TCP1: variants seen among roughly 807,000 people sequenced by gnomAD.
TCP1 encodes T-complex protein 1 subunit alpha.
A neutral mutation model predicts 54.7 loss-of-function variants in TCP1; 6 were observed. The observed-to-expected ratio is 0.11, with a 90% confidence interval of 0.06 to 0.22. The LOEUF is 0.22. Among genes scored for constraint, TCP1 ranks in the 10% least tolerant of loss-of-function variants. TCP1 has a pLI of 1.00. For missense variants in TCP1, 511 were observed against 678.2 expected, an observed-to-expected ratio of 0.75 and a Z score of 2.74; for synonymous variants, 225 against 229.7, an observed-to-expected ratio of 0.98 and a Z score of 0.19.
chr6:159,789,180 G>A (rs370815958), intron 1 of TCP1: 13 of 526,736 alleles, frequency 2.5e-5, no homozygotes, highest in Admixed American at 3.3e-5. Flanking sequence ...ACGCGTTGCC[G>A]GTCTCAAAAC....
At position 159,781,068 on chromosome 6, in the gene TCP1, T is replaced by G; in HGVS notation, c.840A>C (p.Ala280=). The change falls in exon 8 of 12, where the codon GCA becomes GCC. Residue 280 remains alanine, a synonymous_variant. Coordinates refer to ENST00000321394, the MANE Select transcript of TCP1 (RefSeq NM_030752.3). ...ITKERIQKIL[A]TGANVILTTG... ...TGGTTAGAATAACATTGGCACCAGT[T>G]GCCAGGATCTTCTGAATTCTCTCCT... The G allele has an allele frequency of 6.2e-7, 1 of 1,611,108 alleles. No homozygotes were observed. The highest frequency in any genetic ancestry group is 1.1e-5 in the South Asian group (1 of 90,182).
chr6:159,785,586 G>C (rs367624758), intron 4 of TCP1, 90 bp from the exon 5 acceptor site: 2 of 1,049,316 alleles, frequency 1.9e-6, no homozygotes, highest in South Asian at 1.3e-5. Flanking sequence ...CCAAAATGTC[G>C]TAAGTAATAA....
At chr6:159,787,631 T>G (rs1780730160) in intron 3 of TCP1, 112 bp downstream of exon 3, 6 of 1,344,956 alleles carry the variant, frequency 4.5e-6, no homozygotes, top group Non-Finnish European at 5.1e-6. Context: ...TTCTGGGCAT[T>G]CAGAATATGT....
intron 4 of TCP1, 63 bp from the exon 5 acceptor site, chr6:159,785,559 T>C (rs765732131): frequency 7.7e-7 from 1 of 1,291,316 alleles, no homozygotes; most frequent in African/African-American, 1.5e-5. Context: ...TTTGCATTCA[T>C]CATGCTTAAC....
In TCP1 at chr6:159,788,451, C is replaced by A. The variant is rs1296365994; in HGVS notation, c.65-308G>T. On this transcript the variant is annotated intron_variant, in intron 1 of 11. Transcript: ENST00000321394. ...AAAATAAAAACAAAGCCGGATGCGG[C>A]GGCGCGGACCTGTGCTTGGAGAATG... 9 of 303,250 alleles carry A rather than the reference C, an allele frequency of 3.0e-5. No individual in the cohort carries two copies. The East Asian group carries it at 7.0e-4, about 24-fold the overall frequency. 18.8% of individuals were successfully genotyped at this position (303,250 alleles called of 1,614,324 possible). A position where few individuals can be genotyped will look rare whatever the true frequency, so the allele number is the denominator to read the frequency against.
intron 6 of TCP1, among the ~76,000 whole-genome samples, chr6:159,784,304 TTTA>T (rs1285071257): frequency 6.8e-6 from 1 of 146,318 alleles, no homozygotes; most frequent in Non-Finnish European, 1.5e-5. Context: ...AAAAACATTT[TTTA>T]TTTTTTTTTT....
intron 3 of TCP1, among the ~76,000 whole-genome samples, chr6:159,787,262 A>G (rs1202203435): frequency 6.6e-6 from 1 of 152,032 alleles, no homozygotes; most frequent in Admixed American, 6.6e-5. Context: ...ATAATAATAT[A>G]AAAACATTGT....
intron 7 of TCP1, among the ~76,000 whole-genome samples, chr6:159,781,688 C>T (rs1780580129): frequency 6.6e-6 from 1 of 152,204 alleles, no homozygotes; most frequent in Admixed American, 6.5e-5. Context: ...AGGAGTATCA[C>T]TTAAACCCGG....
intron 3 of TCP1, among the ~76,000 whole-genome samples, chr6:159,786,522 CAT>C (rs1467320502): frequency 2.6e-5 from 4 of 152,292 alleles, no homozygotes; most frequent in African/African-American, 9.6e-5. Context: ...TGTGACTATT[CAT>C]ATGACCTATA....
intron 1 of TCP1, 105 bp downstream of exon 1, chr6:159,789,300 T>C (rs1178199233): frequency 5.8e-6 from 8 of 1,374,618 alleles, no homozygotes; most frequent in South Asian, 1.3e-5. Context: ...CCCGAGGCCC[T>C]TTCTGCGGAG....
chr6:159,780,596 A>C, intron 8 of TCP1, 30 bp from the exon 9 acceptor site: 1 of 1,599,096 alleles, frequency 6.3e-7, no homozygotes, highest in Non-Finnish European at 8.5e-7. Context: ...GGATCTGTGA[A>C]TATTGCTCTT....
intron 11 of TCP1, 127 bp downstream of exon 11, chr6:159,779,500 G>T (rs1290976701): frequency 7.6e-7 from 1 of 1,309,854 alleles, no homozygotes; most frequent in African/African-American, 1.5e-5. Flanking sequence ...AATGCTTGCT[G>T]TGAAGTTTTT....
In TCP1 at chr6:159,785,476, T is replaced by A. The variant is rs778149780; in HGVS notation, c.398A>T (p.Asn133Ile). ...LACKEAVRYI[N>I]ENLIVNTDEL... ...ATCTGTGTTAACAATTAGGTTTTCA[T>A]TGATATAACGCACTGCTTCCCTGTT... is the stretch of plus-strand genomic sequence containing the variant. The change falls in exon 5 of 12, where the codon AAT (asparagine) becomes ATT (isoleucine). Residue 133 changes from asparagine to isoleucine, a missense_variant. Physicochemically the swap from Asn to Ile is moderately radical, Grantham distance 149. Around this residue, in one of 5 missense-constraint regions of TCP1, gnomAD observed 305 missense variants for 352.8 expected, o/e 0.86. Transcript: ENST00000321394. The A allele has an allele frequency of 1.2e-6, 2 of 1,613,800 alleles. No homozygotes were observed. Among genetic ancestry groups the A allele is most frequent in the Non-Finnish European group, 1.7e-6 (2 of 1,179,872 alleles).
chr6:159,780,124 T>A, intron 9 of TCP1, 37 bp from the exon 10 acceptor site: 2 of 1,577,824 alleles, frequency 1.3e-6, no homozygotes, highest in African/African-American at 2.7e-5. Context: ...GTAATAGCAT[T>A]TTTAAAAATT....
At chr6:159,788,289 CTACT>C in intron 1 of TCP1, 146 bp from the exon 2 acceptor site, 1 of 712,364 alleles carries the variant, frequency 1.4e-6, no homozygotes, top group South Asian at 1.8e-5. Context: ...TAAAAACCAC[CTACT>C]AAGAGTGTAA....
chr6:159,789,255 G>A (rs1043137031), intron 1 of TCP1, 150 bp downstream of exon 1: 5 of 847,104 alleles, frequency 5.9e-6, no homozygotes, highest in African/African-American at 1.7e-5. Context: ...CCCTGCCCCA[G>A]AGAACGGCGG....
At chr6:159,780,854 TCAATATTCC>T in intron 8 of TCP1, 72 bp downstream of exon 8, 1 of 1,463,822 alleles carries the variant, frequency 6.8e-7, no homozygotes. Context: ...CTGTTTTCTG[TCAATATTCC>T]AATGTAAAAA....
At position 159,779,940 on chromosome 6, in the gene TCP1, T is replaced by C; in HGVS notation, c.1245A>G (p.Val415=). The change falls in exon 10 of 12, where the codon GTA becomes GTG. Residue 415 remains valine (V), a synonymous_variant. Coordinates refer to ENST00000321394, the MANE Select transcript of TCP1 (RefSeq NM_030752.3). ...CAAGGTATATGGAAAGGGCTGCTTC[T>C]ACAGCACCCCCACCGGGAACCACAG... ...SKSVVPGGGA[V]EAALSIYLEN... 8 of 1,614,150 alleles carry C rather than the reference T, an allele frequency of 5.0e-6. No homozygotes were observed. Among genetic ancestry groups the C allele is most frequent in the Non-Finnish European group, 6.8e-6 (8 of 1,180,036 alleles).
intron 7 of TCP1, among the ~76,000 whole-genome samples, chr6:159,783,145 A>C (rs1780614885): frequency 6.6e-6 from 1 of 152,242 alleles, no homozygotes; most frequent in Non-Finnish European, 1.5e-5. Flanking sequence ...AGGAAAGAGC[A>C]TAATTAGTTG....
Sources: gnomAD v4.1 joint callset for allele counts (sites outside exome capture counted in the v4.1 genomes callset) on GRCh38, gnomAD v4.1.1 for gene constraint, gnomAD v4.1.1 regional missense constraint, MANE v1.5 for transcripts, NCBI Gene and HGNC (gene_info 2026-07-23, HGNC 2026-07-21) for gene names.